Variants in OTOGL observed in about 807,000 individuals in gnomAD.
The protein encoded by OTOGL is otogelin-like protein.
A neutral mutation model predicts 318.5 loss-of-function variants in OTOGL; 285 were observed. The ratio of observed to expected loss-of-function variants is 0.89; its 90% CI spans 0.81 to 0.99. The LOEUF (loss-of-function observed/expected upper bound fraction) is 0.99, where lower values mean the gene tolerates loss of function less well. OTOGL is among the 50% of genes least tolerant of loss of function. The probability of loss-of-function intolerance (pLI) is 0.00; values close to 1 mark genes in which losing one functional copy is unlikely to be tolerated. For missense variants in OTOGL, 2,899 were observed against 2,845.6 expected (o/e 1.02, Z -0.43); for synonymous variants, 987 against 936.5 (o/e 1.05, Z -0.99).
At chr12:80,284,168 G>A (rs1884441618) in intron 26 of OTOGL, among the ~76,000 whole-genome samples, 1 of 152,034 alleles carries the variant, frequency 6.6e-6, no homozygotes, top group Admixed American at 6.6e-5. Flanking sequence ...TGAGAATGAT[G>A]GTATCCAGCT....
chr12:80,325,564 G>A (rs576500145), intron 35 of OTOGL, among the ~76,000 whole-genome samples: 1 of 152,324 alleles, frequency 6.6e-6, no homozygotes, highest in African/African-American at 2.4e-5. Context: ...CCTGTTGTTT[G>A]TCAAGTGCTG....
intron 23 of OTOGL, 57 bp downstream of exon 23, chr12:80,270,211 C>T: frequency 7.1e-7 from 1 of 1,405,944 alleles, no homozygotes; most frequent in Non-Finnish European, 1.0e-6. Flanking sequence ...ACCACCTCCA[C>T]TCCTGGCAGA....
chr12:80,343,509 GTTTTTTTTTTT>G (rs58046272), intron 44 of OTOGL: 6 of 35,860 alleles, frequency 1.7e-4, no homozygotes, highest in South Asian at 2.4e-3. Flanking sequence ...TTTTATTCTT[GTTTTTTTTTTT>G]TTTTTTTTTT....
chr12:80,120,688 A>G (rs779123260), intron 1 of OTOGL, among the ~76,000 whole-genome samples: 94 of 152,222 alleles, frequency 6.2e-4, no homozygotes, highest in Non-Finnish European at 1.2e-3. Flanking sequence ...TTAGATTTTT[A>G]ATGCGGTAAG....
At chr12:80,251,320 T>C (rs1881524088) in intron 11 of OTOGL, among the ~76,000 whole-genome samples, 1 of 152,210 alleles carries the variant, frequency 6.6e-6, no homozygotes, top group Non-Finnish European at 1.5e-5. Context: ...TTAACAGGAC[T>C]TATTAAATTC....
At chr12:80,270,633 C>A (rs1241104585) in intron 23 of OTOGL, among the ~76,000 whole-genome samples, 2 of 152,120 alleles carry the variant, frequency 1.3e-5, no homozygotes, top group Non-Finnish European at 2.9e-5. Flanking sequence ...ACCAAGATAA[C>A]ATTAATACTT....
intron 44 of OTOGL, among the ~76,000 whole-genome samples, chr12:80,351,768 G>C (rs1471044809): frequency 6.6e-6 from 1 of 152,050 alleles, no homozygotes; most frequent in Non-Finnish European, 1.5e-5. Context: ...TTATATTTCA[G>C]GTGTCTCTAG....
chr12:80,170,831 G>T (rs898784681), intron 1 of OTOGL, among the ~76,000 whole-genome samples: 5 of 152,088 alleles, frequency 3.3e-5, no homozygotes, highest in African/African-American at 1.2e-4. Context: ...TGTCCTTTTA[G>T]TCTCTGAACA....
At chr12:80,244,633 G>A (rs1253136927) in intron 11 of OTOGL, among the ~76,000 whole-genome samples, 2 of 149,804 alleles carry the variant, frequency 1.3e-5, no homozygotes, top group Non-Finnish European at 2.9e-5. Context: ...ATAAACATAT[G>A]TGTGCATGTG....
chr12:80,375,131 C>G (rs1056897923), intron 57 of OTOGL, among the ~76,000 whole-genome samples: 73 of 152,066 alleles, frequency 4.8e-4, no homozygotes, highest in African/African-American at 1.7e-3. Flanking sequence ...ATTAGAAAAC[C>G]CTTTCCTGCC....
At chr12:80,268,809 C>T (rs1883195852) in intron 22 of OTOGL, among the ~76,000 whole-genome samples, 3 of 151,618 alleles carry the variant, frequency 2.0e-5, no homozygotes, top group Admixed American at 2.0e-4. Flanking sequence ...ACCTTCCTCT[C>T]TGGTGTTCTT....
chr12:80,114,821 T>TC (rs1252897364), intron 1 of OTOGL, among the ~76,000 whole-genome samples: 2 of 151,882 alleles, frequency 1.3e-5, no homozygotes, highest in Non-Finnish European at 2.9e-5. Flanking sequence ...TCCTTTTCAT[T>TC]TTTTTTTCTC....
intron 1 of OTOGL, among the ~76,000 whole-genome samples, chr12:80,180,110 T>C (rs1234589857): frequency 6.6e-6 from 1 of 152,082 alleles, no homozygotes; most frequent in Non-Finnish European, 1.5e-5. Context: ...TGCAGATTGC[T>C]ACTTTCATAT....
chr12:80,226,565 T>G (rs1011411107), intron 7 of OTOGL, among the ~76,000 whole-genome samples: 5 of 152,148 alleles, frequency 3.3e-5, no homozygotes, highest in African/African-American at 1.2e-4. Context: ...ACTAGTTGCT[T>G]TTGAAGTCTA....
At chr12:80,143,848 T>C (rs913794048) in intron 1 of OTOGL, among the ~76,000 whole-genome samples, 1 of 152,128 alleles carries the variant, frequency 6.6e-6, no homozygotes, top group Non-Finnish European at 1.5e-5. Flanking sequence ...TTTGATCTTA[T>C]TGGAATGATA....
At chr12:80,324,218 G>A (rs1469817452) in intron 35 of OTOGL, among the ~76,000 whole-genome samples, 2 of 152,324 alleles carry the variant, frequency 1.3e-5, no homozygotes, top group East Asian at 3.9e-4. Flanking sequence ...AGGCATGTGT[G>A]TGTGTTTGCC....
chr12:80,207,739 C>G (rs1876919818), intron 1 of OTOGL, among the ~76,000 whole-genome samples: 1 of 152,062 alleles, frequency 6.6e-6, no homozygotes, highest in African/African-American at 2.4e-5. Flanking sequence ...AAACTAATTC[C>G]CTTAATTAAA....
At chr12:80,153,073 A>G (rs1872888348) in intron 1 of OTOGL, among the ~76,000 whole-genome samples, 1 of 152,222 alleles carries the variant, frequency 6.6e-6, no homozygotes. Flanking sequence ...ATTGAGAGAA[A>G]GATACAGAGA....
At chr12:80,329,604 G>C (rs1054763072) in intron 37 of OTOGL, among the ~76,000 whole-genome samples, 1 of 152,114 alleles carries the variant, frequency 6.6e-6, no homozygotes, top group African/African-American at 2.4e-5. Flanking sequence ...TTCTGTCTCT[G>C]GCTCTGGAGG....
Sources: allele counts gnomAD v4.1 joint callset (sites outside exome capture counted in the v4.1 genomes callset), GRCh38; gene constraint gnomAD v4.1.1; transcripts MANE v1.5; gene names NCBI Gene and HGNC (gene_info 2026-07-23, HGNC 2026-07-21).